RGS6: variants seen among roughly 807,000 people sequenced by gnomAD.
RGS6 encodes regulator of G-protein signaling 6.
A neutral mutation model predicts 78.5 loss-of-function variants in RGS6; 30 were observed. The ratio of observed to expected loss-of-function variants is 0.38; its 90% confidence interval spans 0.29 to 0.52. RGS6 has a LOEUF of 0.52. Ranked by LOEUF, RGS6 falls within the 20% of genes least tolerant of loss-of-function variation. The pLI is 0.85. For synonymous variants in RGS6, 206 were observed against 206.0 expected, an observed-to-expected ratio of 1.00 and a Z score of 0.00; for missense variants, 495 against 609.7, an observed-to-expected ratio of 0.81 and a Z score of 1.98.
chr14:71,954,774 A>T (rs970090756), intron 1 of RGS6, among the ~76,000 whole-genome samples: 5 of 152,142 alleles, frequency 3.3e-5, no homozygotes, highest in Non-Finnish European at 5.9e-5. Flanking sequence ...AAGGAGTTTT[A>T]AAAAAATGTT....
At chr14:72,194,209 C>A (rs1442379976) in intron 2 of RGS6, among the ~76,000 whole-genome samples, 1 of 151,856 alleles carries the variant, frequency 6.6e-6, no homozygotes, top group Non-Finnish European at 1.5e-5. Flanking sequence ...CAGTTGTGGG[C>A]TAGGAAAGAA....
At chr14:72,252,894 C>G (rs921264694) in intron 2 of RGS6, among the ~76,000 whole-genome samples, 1 of 152,204 alleles carries the variant, frequency 6.6e-6, no homozygotes, top group African/African-American at 2.4e-5. Context: ...AAGGGCTGAA[C>G]TGACTCAAAT....
the RGS6 span, among the ~76,000 whole-genome samples, chr14:72,582,794 AC>A: frequency 1.2e-4 from 19 of 152,022 alleles, no homozygotes; most frequent in African/African-American, 4.6e-4. Context: ...CACACCCTCC[AC>A]CCTGTCTGGT....
chr14:72,245,206 A>G (rs909861253), intron 2 of RGS6, among the ~76,000 whole-genome samples: 2 of 152,236 alleles, frequency 1.3e-5, no homozygotes, highest in African/African-American at 4.8e-5. Flanking sequence ...TGCCAGTTTT[A>G]TGTGGCATGG....
intron 8 of RGS6, among the ~76,000 whole-genome samples, chr14:72,471,737 G>T (rs1024874821): frequency 6.6e-6 from 1 of 152,246 alleles, no homozygotes; most frequent in Non-Finnish European, 1.5e-5. Context: ...GCCCCCCGGG[G>T]ATAGGCGGGT....
intron 3 of RGS6, among the ~76,000 whole-genome samples, chr14:72,398,335 G>A (rs1195472775): frequency 2.0e-5 from 3 of 152,184 alleles, no homozygotes; most frequent in African/African-American, 4.8e-5. Flanking sequence ...TAGTTTATTT[G>A]CATAGAGGTG....
At chr14:72,455,917 T>C (rs529639913) in intron 4 of RGS6, among the ~76,000 whole-genome samples, 1 of 152,348 alleles carries the variant, frequency 6.6e-6, no homozygotes, top group South Asian at 2.1e-4. Context: ...ACTGGTTTCT[T>C]TGCCTCCTAA....
At chr14:72,457,749 C>G (rs932558260) in intron 4 of RGS6, among the ~76,000 whole-genome samples, 1 of 152,184 alleles carries the variant, frequency 6.6e-6, no homozygotes, top group Non-Finnish European at 1.5e-5. Flanking sequence ...AGGTTTTCCT[C>G]TCTGTCCATA....
At chr14:72,209,424 T>C (rs74923059) in intron 2 of RGS6, among the ~76,000 whole-genome samples, 1,662 of 152,284 alleles carry the variant, frequency 0.011, 24 homozygotes, top group African/African-American at 0.038. Context: ...TACTTCTTCT[T>C]AGCATTGAAG....
At chr14:72,408,163 C>T (rs766141111) in intron 3 of RGS6, among the ~76,000 whole-genome samples, 1 of 152,162 alleles carries the variant, frequency 6.6e-6, no homozygotes, top group Non-Finnish European at 1.5e-5. Context: ...GTTGTTACAG[C>T]GTAGTTGGCA....
intron 2 of RGS6, among the ~76,000 whole-genome samples, chr14:72,182,218 G>A (rs2097182160): frequency 6.6e-6 from 1 of 151,948 alleles, no homozygotes; most frequent in African/African-American, 2.4e-5. Flanking sequence ...GACTATCCTG[G>A]CTAACATGGT....
intron 3 of RGS6, among the ~76,000 whole-genome samples, chr14:72,398,077 G>C (rs1319313194): frequency 6.6e-6 from 1 of 152,146 alleles, no homozygotes; most frequent in Non-Finnish European, 1.5e-5. Flanking sequence ...AAATGAGTTA[G>C]GGAGGATTCC....
intron 2 of RGS6, among the ~76,000 whole-genome samples, chr14:72,195,604 GC>G (rs1385682066): frequency 6.6e-6 from 1 of 152,186 alleles, no homozygotes; most frequent in Non-Finnish European, 1.5e-5. Context: ...TGAACGAAGA[GC>G]TGAAGAGGTA....
chr14:71,986,419 C>T (rs1444081969), intron 2 of RGS6, among the ~76,000 whole-genome samples: 3 of 152,140 alleles, frequency 2.0e-5, no homozygotes, highest in Non-Finnish European at 4.4e-5. Context: ...TGGCTTAAAA[C>T]AAGGCCAGGC....
intron 12 of RGS6, among the ~76,000 whole-genome samples, chr14:72,484,447 C>T (rs985696021): frequency 6.6e-6 from 1 of 152,178 alleles, no homozygotes; most frequent in Non-Finnish European, 1.5e-5. Context: ...GTGTCCTTAG[C>T]TCTAGGGATT....
chr14:72,431,053 G>A (rs966572541), intron 3 of RGS6, among the ~76,000 whole-genome samples: 2 of 152,118 alleles, frequency 1.3e-5, no homozygotes, highest in Admixed American at 1.3e-4. Flanking sequence ...TGCAAGTGTT[G>A]CATCACACAT....
intron 2 of RGS6, among the ~76,000 whole-genome samples, chr14:72,162,263 G>T (rs1422155582): frequency 1.3e-5 from 2 of 152,126 alleles, no homozygotes; most frequent in Non-Finnish European, 2.9e-5. Context: ...ATTTATTTCA[G>T]CTCTGTGTTT....
chr14:72,214,327 C>A (rs1476710773), intron 2 of RGS6, among the ~76,000 whole-genome samples: 1 of 152,014 alleles, frequency 6.6e-6, no homozygotes, highest in African/African-American at 2.4e-5. Flanking sequence ...AAGGCACGTG[C>A]CACCATGCCC....
At chr14:72,472,269 CAAT>C (rs2096103494) in intron 8 of RGS6, among the ~76,000 whole-genome samples, 1 of 152,066 alleles carries the variant, frequency 6.6e-6, no homozygotes, top group African/African-American at 2.4e-5. Context: ...TTCCCTCTTG[CAAT>C]TTGTGCCTCC....
Sources: gnomAD v4.1 joint callset for allele counts (sites outside exome capture counted in the v4.1 genomes callset) on GRCh38, gnomAD v4.1.1 for gene constraint, MANE v1.5 for transcripts, NCBI Gene and HGNC (gene_info 2026-07-23, HGNC 2026-07-21) for gene names.